ME1: variants seen among roughly 807,000 people sequenced by gnomAD.
The protein encoded by ME1 is NADP-dependent malic enzyme.
Under a neutral mutation model 66.4 loss-of-function variants are expected in ME1, and 74 were observed. The ratio of observed to expected loss-of-function variants is 1.11; its 90% CI spans 0.92 to 1.35. The LOEUF (loss-of-function observed/expected upper bound fraction) is 1.35. Ranked by LOEUF, ME1 falls within the 40% of genes most tolerant of loss-of-function variation. ME1 has a pLI of 0.00. For synonymous variants in ME1, 251 were observed against 235.6 expected (o/e 1.07, Z -0.60); for missense variants, 750 against 694.1 (o/e 1.08, Z -0.90).
chr6:83,326,181 G>A (rs1050347427), intron 5 of ME1, among the ~76,000 whole-genome samples: 1 of 151,888 alleles, frequency 6.6e-6, no homozygotes, highest in Non-Finnish European at 1.5e-5. Context: ...ATGGTGTTGG[G>A]AAAACTGGCA....
chr6:83,229,851 A>G (rs1790264903), intron 9 of ME1, among the ~76,000 whole-genome samples: 1 of 152,152 alleles, frequency 6.6e-6, no homozygotes, highest in Non-Finnish European at 1.5e-5. Context: ...GTTTGAAATG[A>G]GGTCTCATTT....
chr6:83,328,233 G>T (rs529196633), intron 5 of ME1, among the ~76,000 whole-genome samples: 3 of 151,986 alleles, frequency 2.0e-5, no homozygotes, highest in African/African-American at 7.3e-5. Context: ...ACCAAACACC[G>T]CATGTTCTCA....
chr6:83,250,176 C>CAGT (rs1790698183), intron 7 of ME1, among the ~76,000 whole-genome samples: 1 of 147,218 alleles, frequency 6.8e-6, no homozygotes, highest in African/African-American at 2.6e-5. Context: ...TCTTTCAGAT[C>CAGT]TGTTTTTTTT....
intron 4 of ME1, 134 bp from the exon 5 acceptor site, chr6:83,346,468 A>G: frequency 1.9e-6 from 1 of 515,386 alleles, no homozygotes; most frequent in Non-Finnish European, 3.2e-6. Context: ...TTTATGAAAA[A>G]GATTTTATAA....
chr6:83,307,267 G>T lies in ME1; in HGVS notation c.704+8043C>A, dbSNP rs1399303016. ...GAGAATGGTATAAATAGAAATAGTTGGGATTTTAAGGAAAATATGGCTATA... is the reference window on the plus strand; with the variant it reads ...GAGAATGGTATAAATAGAAATAGTTTGGATTTTAAGGAAAATATGGCTATA... On this transcript the variant is annotated intron_variant, in intron 6 of 13. Coordinates refer to ENST00000369705, the MANE Select transcript of ME1 (RefSeq NM_002395.6). 4.6e-5 allele frequency among the ~76,000 whole-genome samples: 7 copies of T among 151,696 alleles called. No homozygotes were observed. The South Asian group carries it at 6.2e-4, about 14-fold the overall frequency.
At chr6:83,350,190 GT>G (rs1554269817) in intron 4 of ME1, among the ~76,000 whole-genome samples, 2 of 152,062 alleles carry the variant, frequency 1.3e-5, no homozygotes, top group Non-Finnish European at 2.9e-5. Flanking sequence ...AATAGCTGCC[GT>G]TTACTAAGTA....
intron 7 of ME1, among the ~76,000 whole-genome samples, chr6:83,246,339 T>C (rs1218350424): frequency 6.6e-6 from 1 of 152,090 alleles, no homozygotes; most frequent in African/African-American, 2.4e-5. Flanking sequence ...AAAATCCAGA[T>C]AAAGACAAAA....
chr6:83,231,495 G>T (rs541972941), intron 9 of ME1, among the ~76,000 whole-genome samples: 1 of 152,138 alleles, frequency 6.6e-6, no homozygotes, highest in East Asian at 1.9e-4. Flanking sequence ...TGTCTCCCAA[G>T]TATGTTCTCT....
chr6:83,223,846 A>G lies in ME1; in HGVS notation c.1363T>C (p.Ser455Pro). Residue 455 changes from serine to proline, a missense_variant, in exon 12 of 14, where the codon TCC (serine) becomes CCC (proline). Coordinates refer to ENST00000369705, the MANE Select transcript of ME1 (RefSeq NM_002395.6). ...QTLYPGQGNNSYVFPGVALGV... is the reference protein window; with the variant it reads ...QTLYPGQGNNPYVFPGVALGV... ...AGAGCAACTCCAGGGAACACATAGGAATTGTTGCCTTGGCCAGGATATAGG... is the reference window on the plus strand; with the variant it reads ...AGAGCAACTCCAGGGAACACATAGGGATTGTTGCCTTGGCCAGGATATAGG... 4 of 1,614,016 alleles carry G rather than the reference A, an allele frequency of 2.5e-6. No individual in the cohort carries two copies. Among genetic ancestry groups the G allele is most frequent in the Non-Finnish European group, 2.5e-6 (3 of 1,179,922 alleles).
chr6:83,347,990 T>A (rs1244167261), intron 4 of ME1, among the ~76,000 whole-genome samples: 1 of 152,218 alleles, frequency 6.6e-6, no homozygotes, highest in Non-Finnish European at 1.5e-5. Context: ...TATTTTAAAA[T>A]ATACTTCTAA....
chr6:83,385,854 T>G (rs573671330), intron 3 of ME1, among the ~76,000 whole-genome samples: 1 of 151,964 alleles, frequency 6.6e-6, no homozygotes, highest in Admixed American at 6.6e-5. Context: ...AAAATAACTT[T>G]TATTCTGCTT....
chr6:83,285,977 T>C (rs1012304972), intron 6 of ME1, among the ~76,000 whole-genome samples: 1 of 152,226 alleles, frequency 6.6e-6, no homozygotes, highest in Non-Finnish European at 1.5e-5. Flanking sequence ...GTCATTGTCA[T>C]TTCTATTTTC....
At position 83,311,942 on chromosome 6, in the gene ME1, CAA is replaced by C. The variant is rs1767938595; in HGVS notation, c.704+3366_704+3367del. Among the ~76,000 whole-genome samples, 2 of 151,990 alleles carry C rather than the reference CAA, an allele frequency of 1.3e-5. 1 individual carries two copies. Among genetic ancestry groups the C allele is most frequent in the South Asian group, 4.1e-4 (2 of 4,824 alleles). On this transcript the variant is annotated intron_variant, in intron 6 of 13. Transcript: ENST00000369705. ...CTCAATATTTACTATCAAAAGAAAC[CAA>C]AGATGAATGACCACAAAGTTGAGTG...
intron 3 of ME1, among the ~76,000 whole-genome samples, chr6:83,391,351 C>A (rs1308835169): frequency 1.3e-5 from 2 of 152,120 alleles, no homozygotes; most frequent in Non-Finnish European, 2.9e-5. Flanking sequence ...TTCAGTCCAG[C>A]AGAAGGTCTT....
At chr6:83,304,858 G>A (rs1767797241) in intron 6 of ME1, among the ~76,000 whole-genome samples, 2 of 152,072 alleles carry the variant, frequency 1.3e-5, no homozygotes, top group South Asian at 4.1e-4. Context: ...TAAATAATGA[G>A]ACTTTGACAT....
rs1309973358 is a variant in ME1 at position 83,252,919 on chromosome 6, GC to G, written c.814+709del. 2.0e-5 allele frequency among the ~76,000 whole-genome samples: 3 copies of G among 152,176 alleles called. No individual in the cohort carries two copies. The East Asian group carries it at 5.8e-4, about 29-fold the overall frequency. The stretch of plus-strand genomic sequence containing the variant: ...AGGTGAGTCAACAATGTGGAATGCT[GC>G]TGAAAATTCAAATAAGATAAACACT... On this transcript the variant is annotated intron_variant, in intron 7 of 13. Transcript: ENST00000369705.
intron 3 of ME1, among the ~76,000 whole-genome samples, chr6:83,357,189 C>T (rs12529944): frequency 0.12 from 18,184 of 152,228 alleles, 1,447 homozygotes; most frequent in Non-Finnish European, 0.19. Flanking sequence ...TCAGGTGGCA[C>T]CATTGCCGAC....
chr6:83,301,008 G>C (rs1303023398), intron 6 of ME1, among the ~76,000 whole-genome samples: 1 of 152,048 alleles, frequency 6.6e-6, no homozygotes, highest in African/African-American at 2.4e-5. Flanking sequence ...AGAACACTTG[G>C]ACACAGGAAG....
chr6:83,293,917 T>C (rs1229112769), intron 6 of ME1, among the ~76,000 whole-genome samples: 1 of 152,230 alleles, frequency 6.6e-6, no homozygotes, highest in East Asian at 1.9e-4. Flanking sequence ...ATCTATTTAC[T>C]CTCTGTGTGC....
Sources: allele counts gnomAD v4.1 joint callset (sites outside exome capture counted in the v4.1 genomes callset), GRCh38; gene constraint gnomAD v4.1.1; transcripts MANE v1.5; gene names NCBI Gene and HGNC (gene_info 2026-07-23, HGNC 2026-07-21).